The following TYW1 variants were observed in gnomAD, a reference collection of about 807,000 sequenced individuals.
TYW1 encodes the protein S-adenosyl-L-methionine-dependent tRNA 4-demethylwyosine synthase TYW1.
TYW1 carries 46 observed loss-of-function variants against 96.2 expected under a neutral mutation model. The ratio of observed to expected loss-of-function variants is 0.48; its 90% confidence interval spans 0.38 to 0.61. TYW1 has a LOEUF of 0.61. Ranked by LOEUF, TYW1 falls within the 20% of genes least tolerant of loss-of-function variation. The pLI, the probability that TYW1 is intolerant of heterozygous loss-of-function variation, is 0.00. For synonymous variants in TYW1, 274 were observed against 323.0 expected, an observed-to-expected ratio of 0.85 and a Z score of 1.63; for missense variants, 684 against 909.6, an observed-to-expected ratio of 0.75 and a Z score of 3.19.
At chr7:67,181,985 C>T (rs1464802651) in intron 13 of TYW1, among the ~76,000 whole-genome samples, 2 of 152,018 alleles carry the variant, frequency 1.3e-5, no homozygotes, top group Admixed American at 6.6e-5. Context: ...CATGCCGCCA[C>T]GCCTGGCTCA....
chr7:67,127,238 A>T (rs1296432033), intron 13 of TYW1, among the ~76,000 whole-genome samples: 4 of 149,866 alleles, frequency 2.7e-5, no homozygotes, highest in Non-Finnish European at 4.4e-5. Flanking sequence ...GGCTCACTGC[A>T]ACCTCCACCT....
At chr7:67,220,589 G>T (rs1282019756) in intron 15 of TYW1, among the ~76,000 whole-genome samples, 1 of 152,034 alleles carries the variant, frequency 6.6e-6, no homozygotes, top group Non-Finnish European at 1.5e-5. Context: ...GGCCTAATTG[G>T]TAGCCTAACT....
At chr7:67,098,892 A>G (rs1446291860) in intron 12 of TYW1, among the ~76,000 whole-genome samples, 174 bp downstream of exon 12, 1 of 152,210 alleles carries the variant, frequency 6.6e-6, no homozygotes, top group East Asian at 1.9e-4. Flanking sequence ...TATTAGGCAC[A>G]ACAACATTAG....
chr7:67,009,837 G>T, intron 4 of TYW1, 153 bp downstream of exon 4: 1 of 726,516 alleles, frequency 1.4e-6, no homozygotes, highest in South Asian at 2.1e-5. Flanking sequence ...GTGAATCAGA[G>T]AATTGAATGT....
intron 10 of TYW1, among the ~76,000 whole-genome samples, chr7:67,069,276 C>A (rs1308697025): frequency 6.6e-6 from 1 of 152,160 alleles, no homozygotes; most frequent in Non-Finnish European, 1.5e-5. Flanking sequence ...TATTATTTGA[C>A]TCAATAGCAG....
intron 13 of TYW1, among the ~76,000 whole-genome samples, chr7:67,147,084 A>G (rs1451061911): frequency 3.3e-5 from 5 of 152,218 alleles, no homozygotes; most frequent in African/African-American, 1.2e-4. Flanking sequence ...ACTGGGAAAT[A>G]GGTTCTTTTA....
At chr7:67,237,547 TTA>T (rs1801930337) in intron 15 of TYW1, among the ~76,000 whole-genome samples, 1 of 151,620 alleles carries the variant, frequency 6.6e-6, no homozygotes, top group Non-Finnish European at 1.5e-5. Flanking sequence ...ACTTGTCTGT[TTA>T]TGAGTCAGGT....
chr7:67,063,969 G>A (rs951015980), intron 9 of TYW1, among the ~76,000 whole-genome samples: 9 of 152,134 alleles, frequency 5.9e-5, no homozygotes, highest in South Asian at 2.1e-4. Context: ...TCACTCCAAC[G>A]AAAGTAATAT....
intron 15 of TYW1, among the ~76,000 whole-genome samples, chr7:67,229,875 C>T (rs6979706): frequency 0.27 from 40,785 of 152,048 alleles, 5,839 homozygotes; most frequent in African/African-American, 0.36. Context: ...ATCCTTGAGC[C>T]GAAGAAGTTG....
At chr7:67,167,894 A>G (rs1265812736) in intron 13 of TYW1, among the ~76,000 whole-genome samples, 1 of 151,928 alleles carries the variant, frequency 6.6e-6, no homozygotes, top group Non-Finnish European at 1.5e-5. Flanking sequence ...AGCTGGGATT[A>G]TAGGTACCCA....
At chr7:67,078,690 T>A (rs1010533417) in intron 10 of TYW1, among the ~76,000 whole-genome samples, 3 of 152,150 alleles carry the variant, frequency 2.0e-5, no homozygotes, top group African/African-American at 4.8e-5. Flanking sequence ...AAATTTTCTT[T>A]TTTTTCTTTC....
chr7:67,161,317 T>G (rs1429518677), intron 13 of TYW1, among the ~76,000 whole-genome samples: 2 of 152,238 alleles, frequency 1.3e-5, no homozygotes, highest in Non-Finnish European at 2.9e-5. Flanking sequence ...TAGATTAATT[T>G]GGAAAAGTTG....
Position 67,216,699 on chromosome 7 carries a change from A to G in TYW1, c.1977+21362A>G, listed in dbSNP as rs1469163601. Among the ~76,000 whole-genome samples, 2 of 137,888 alleles carry G rather than the reference A, an allele frequency of 1.5e-5. 1 individual carries two copies. Among genetic ancestry groups the G allele is most frequent in the African/African-American group, 5.7e-5 (2 of 34,832 alleles). The allele number at this position is 137,888 out of a possible 152,430, so 90.5% of individuals were successfully genotyped here. A position where few individuals can be genotyped will look rare whatever the true frequency, so the allele number is the denominator to read the frequency against. On this transcript the variant is annotated intron_variant, in intron 15 of 15. Coordinates refer to ENST00000359626, the MANE Select transcript of TYW1 (RefSeq NM_018264.4). ...TCTACCTCTTTTTTTCTCTAAGCTAACATGGGCATTTGGGGCCATAACTTT... is the reference window on the plus strand; with the variant it reads ...TCTACCTCTTTTTTTCTCTAAGCTAGCATGGGCATTTGGGGCCATAACTTT...
chr7:67,111,311 C>T (rs764718935), intron 12 of TYW1, among the ~76,000 whole-genome samples: 8 of 152,060 alleles, frequency 5.3e-5, no homozygotes, highest in Non-Finnish European at 1.0e-4. Flanking sequence ...TCAAGCAATT[C>T]TCCTGCCTCA....
intron 15 of TYW1, among the ~76,000 whole-genome samples, chr7:67,210,695 C>T (rs1301161450): frequency 1.2e-5 from 1 of 82,476 alleles, no homozygotes; most frequent in Admixed American, 1.2e-4. Flanking sequence ...TCCATTCGTC[C>T]ATCCATCCAT....
At chr7:67,094,651 A>AGTGTGTGTGTGTGTGTGT (rs56069939) in intron 11 of TYW1, among the ~76,000 whole-genome samples, 7 of 141,716 alleles carry the variant, frequency 4.9e-5, no homozygotes, top group African/African-American at 1.8e-4. Flanking sequence ...AGAGAATTAG[A>AGTGTGTGTGTGTGTGTGT]GTGTGTGTGT....
chr7:67,056,655 G>A (rs1339168809), intron 9 of TYW1, among the ~76,000 whole-genome samples: 1 of 152,012 alleles, frequency 6.6e-6, no homozygotes, highest in Admixed American at 6.6e-5. Flanking sequence ...GTATGCCATT[G>A]TATGAATATA....
chr7:67,128,183 A>G (rs933452864), intron 13 of TYW1, among the ~76,000 whole-genome samples: 12 of 152,048 alleles, frequency 7.9e-5, no homozygotes, highest in African/African-American at 2.9e-4. Flanking sequence ...CACATACATT[A>G]CACCCTTTAT....
intron 4 of TYW1, among the ~76,000 whole-genome samples, chr7:67,009,972 T>A: frequency 6.6e-6 from 1 of 150,802 alleles, no homozygotes; most frequent in African/African-American, 2.4e-5. Context: ...CCCACAATTT[T>A]CTTTTTTCTT....
Sources: gnomAD v4.1 joint callset for allele counts (sites outside exome capture counted in the v4.1 genomes callset) on GRCh38, gnomAD v4.1.1 for gene constraint, MANE v1.5 for transcripts, NCBI Gene and HGNC (gene_info 2026-07-23, HGNC 2026-07-21) for gene names.